The following NME7 variants were observed in gnomAD, a reference collection of about 807,000 sequenced individuals.
NME7 encodes the protein nucleoside diphosphate kinase 7.
A neutral mutation model predicts 49.1 loss-of-function variants in NME7; 41 were observed. The observed-to-expected ratio is 0.83, with a 90% CI of 0.65 to 1.08. NME7 has a LOEUF of 1.08. Ranked by LOEUF, NME7 falls within the 50% of genes least tolerant of loss-of-function variation. The pLI is 0.00. For missense variants in NME7, 423 were observed against 463.4 expected (o/e 0.91, Z 0.80); for synonymous variants, 139 against 150.6 (o/e 0.92, Z 0.56).
chr1:169,244,331 T>A (rs2101836780), intron 7 of NME7, among the ~76,000 whole-genome samples: 1 of 152,234 alleles, frequency 6.6e-6, no homozygotes, highest in African/African-American at 2.4e-5. Flanking sequence ...AGAGAGAACA[T>A]CATTAAAAAT....
intron 9 of NME7, among the ~76,000 whole-genome samples, chr1:169,232,922 T>A (rs868337515): frequency 0.047 from 6,484 of 139,408 alleles, 183 homozygotes; most frequent in East Asian, 0.12. Context: ...CTTTTTTTTT[T>A]TTTTTTTTTT....
chr1:169,307,138 GAGAGA>G (rs2101916885), intron 4 of NME7, among the ~76,000 whole-genome samples: 1 of 152,266 alleles, frequency 6.6e-6, no homozygotes, highest in East Asian at 1.9e-4. Flanking sequence ...AGATTTTTAG[GAGAGA>G]GCTAAAATAC....
chr1:169,198,183 G>C (rs1422725448), intron 10 of NME7, among the ~76,000 whole-genome samples: 1 of 151,948 alleles, frequency 6.6e-6, no homozygotes, highest in Non-Finnish European at 1.5e-5. Context: ...GAGATGGCTA[G>C]AATTAAAAAG....
intron 7 of NME7, among the ~76,000 whole-genome samples, chr1:169,248,538 C>T (rs539777621): frequency 6.6e-6 from 1 of 152,108 alleles, no homozygotes; most frequent in East Asian, 1.9e-4. Context: ...GGGTCCTACT[C>T]ACGAATTATT....
rs1653422629 is a variant in NME7, at chr1:169,355,323, TATAA to T, written c.3+12381_3+12384del. Reference sequence around the variant, plus strand: ...TATATATAATATATTGTATATTATATATAATATATTGTATATTATATTATATATA... The same window carrying T: ...TATATATAATATATTGTATATTATATTATATTGTATATTATATTATATATA... On this transcript the variant is annotated intron_variant, in intron 1 of 11. Coordinates refer to ENST00000367811, the MANE Select transcript of NME7 (RefSeq NM_013330.5). 4.6e-5 allele frequency among the ~76,000 whole-genome samples: 5 copies of T among 107,850 alleles called. No homozygotes were observed. In the South Asian group the frequency reaches 1.0e-3, roughly 21 times the overall value. The allele number at this position is 107,850 out of a possible 152,430, so 70.8% of individuals were successfully genotyped here.
intron 1 of NME7, among the ~76,000 whole-genome samples, chr1:169,357,474 A>C (rs549734512): frequency 6.6e-6 from 1 of 152,214 alleles, no homozygotes; most frequent in South Asian, 2.1e-4. Flanking sequence ...AGACAAGATA[A>C]AATCATCAGG....
At chr1:169,219,674 A>G (rs1277238836) in intron 10 of NME7, among the ~76,000 whole-genome samples, 1 of 152,194 alleles carries the variant, frequency 6.6e-6, no homozygotes, top group Non-Finnish European at 1.5e-5. Flanking sequence ...AGCTGGGACT[A>G]TAGGTATGTG....
intron 1 of NME7, among the ~76,000 whole-genome samples, chr1:169,348,936 T>C (rs1282300005): frequency 6.6e-6 from 1 of 151,544 alleles, no homozygotes; most frequent in East Asian, 1.9e-4. Flanking sequence ...CCCTAAGTAG[T>C]AGGCTAGAAA....
At chr1:169,271,799 A>G (rs1244331095) in intron 7 of NME7, among the ~76,000 whole-genome samples, 1 of 133,076 alleles carries the variant, frequency 7.5e-6, no homozygotes, top group African/African-American at 2.5e-5. Context: ...TGCCTATACT[A>G]TATTACAGGT....
chr1:169,153,944 A>AT (rs1658989254), intron 11 of NME7, among the ~76,000 whole-genome samples: 1 of 151,344 alleles, frequency 6.6e-6, no homozygotes, highest in South Asian at 2.1e-4. Flanking sequence ...GGCTCAAGTG[A>AT]TCTTCTTGCC....
In NME7 at chr1:169,166,997, G is replaced by A. The variant is rs116352164; in HGVS notation, c.1098+2450C>T. On this transcript the variant is annotated intron_variant, in intron 11 of 11. Transcript: ENST00000367811. ...AATAAATAAATAAAAAGTTCATTTG[G>A]AGGAATACATTTTAGGGACTAACCA... 7.9e-3 allele frequency among the ~76,000 whole-genome samples: 1,202 copies of A among 152,230 alleles called. 18 individuals carry two copies. Among genetic ancestry groups the A allele is most frequent in the African/African-American group, 0.027 (1,135 of 41,554 alleles).
At chr1:169,351,542 C>T (rs1054978357) in intron 1 of NME7, among the ~76,000 whole-genome samples, 1 of 148,576 alleles carries the variant, frequency 6.7e-6, no homozygotes, top group African/African-American at 2.5e-5. Context: ...CTGGAGCAAA[C>T]TGAAACCAAA....
Position 169,168,881 on chromosome 1 carries a change from A to G in NME7, c.1098+566T>C, listed in dbSNP as rs1417009343. ...CCAAGAGTTTTTTCAAATTGTCACA[A>G]ATCTCCAAACTTTCTAATATATTTA... is the stretch of plus-strand genomic sequence containing the variant. On this transcript the variant is annotated intron_variant, in intron 11 of 11. Coordinates refer to ENST00000367811, the MANE Select transcript of NME7 (RefSeq NM_013330.5). The G allele has an allele frequency of 1.1e-5, 5 of 456,456 alleles. 1 individual carries two copies. The highest frequency in any genetic ancestry group is 7.8e-5 in the South Asian group (5 of 64,498). 28.3% of individuals were successfully genotyped at this position (456,456 alleles called of 1,614,324 possible). A position where few individuals can be genotyped will look rare whatever the true frequency, so the allele number is the denominator to read the frequency against.
chr1:169,354,890 GAATATAATATAA>G (rs1477254902), intron 1 of NME7, among the ~76,000 whole-genome samples: 2 of 115,514 alleles, frequency 1.7e-5, no homozygotes, highest in East Asian at 4.7e-4. Flanking sequence ...AATATATAAT[GAATATAATATAA>G]AATAAATATA....
At chr1:169,202,393 T>C (rs1183886448) in intron 10 of NME7, among the ~76,000 whole-genome samples, 1 of 152,194 alleles carries the variant, frequency 6.6e-6, no homozygotes, top group Non-Finnish European at 1.5e-5. Context: ...CCATGTGACA[T>C]GCCTGCTCTT....
At chr1:169,133,738 T>TTGTTTGAGGTATGA (rs1557955898) in intron 11 of NME7, among the ~76,000 whole-genome samples, 1 of 152,162 alleles carries the variant, frequency 6.6e-6, no homozygotes, top group Non-Finnish European at 1.5e-5. Context: ...CATACCTACA[T>TTGTTTGAGGTATGA]GAAACTGAGT....
At position 169,258,824 on chromosome 1, in the gene NME7, G is replaced by A. The variant is rs1178872917; in HGVS notation, c.755-21137C>T. 2.3e-5 allele frequency among the ~76,000 whole-genome samples: 3 copies of A among 133,062 alleles called. 1 individual carries two copies. The highest frequency in any genetic ancestry group is 5.3e-5 in the Non-Finnish European group (3 of 56,692). The allele number at this position is 133,062 out of a possible 152,430, so 87.3% of individuals were successfully genotyped here. On this transcript the variant is annotated intron_variant, in intron 7 of 11. Coordinates refer to ENST00000367811, the MANE Select transcript of NME7 (RefSeq NM_013330.5). ...GCTATCTGGTGATTCTCAAAGTGTG[G>A]TCCATGCAAAAATATCTTTAGCATG...
intron 7 of NME7, among the ~76,000 whole-genome samples, chr1:169,238,982 T>C (rs1264874178): frequency 6.6e-6 from 1 of 152,074 alleles, no homozygotes; most frequent in Non-Finnish European, 1.5e-5. Context: ...AGTTTTATAT[T>C]TGGACATATT....
chr1:169,290,716 A>C (rs1310918968), intron 6 of NME7, among the ~76,000 whole-genome samples: 2 of 152,242 alleles, frequency 1.3e-5, no homozygotes, highest in African/African-American at 4.8e-5. Flanking sequence ...AATTATCATC[A>C]GAGTGAACAG....
Sources: allele counts gnomAD v4.1 joint callset (sites outside exome capture counted in the v4.1 genomes callset), GRCh38; gene constraint gnomAD v4.1.1; transcripts MANE v1.5; gene names NCBI Gene and HGNC (gene_info 2026-07-23, HGNC 2026-07-21).